MPDZ: variants seen among roughly 807,000 people sequenced by gnomAD.
The protein encoded by MPDZ is multiple PDZ domain crumbs cell polarity complex component.
MPDZ carries 234 observed loss-of-function variants against 239.1 expected under a neutral mutation model. The observed-to-expected ratio is 0.98, with a 90% CI of 0.88 to 1.09. The LOEUF (loss-of-function observed/expected upper bound fraction) is 1.09, where lower values mean the gene tolerates loss of function less well. MPDZ is among the 50% of genes least tolerant of loss of function. The probability of loss-of-function intolerance (pLI) is 0.00; values close to 1 mark genes in which losing one functional copy is unlikely to be tolerated. For synonymous variants in MPDZ, 1,048 were observed against 881.3 expected (o/e 1.19, Z -3.35); for missense variants, 3,175 against 2,510.0 (o/e 1.26, Z -5.66).
chr9:13,259,899 T>C (rs779177922), intron 1 of MPDZ, among the ~76,000 whole-genome samples: 6 of 152,092 alleles, frequency 3.9e-5, no homozygotes, highest in African/African-American at 7.2e-5. Context: ...AGTGGCACAA[T>C]CTCGGCTCAC....
At chr9:13,184,747 T>C (rs1484670981) in intron 18 of MPDZ, among the ~76,000 whole-genome samples, 1 of 152,028 alleles carries the variant, frequency 6.6e-6, no homozygotes, top group Non-Finnish European at 1.5e-5. Flanking sequence ...AATTTGTATG[T>C]ATATTGCTGA....
intron 31 of MPDZ, chr9:13,135,480 A>C (rs905764385): frequency 1.3e-5 from 2 of 152,018 alleles, no homozygotes; most frequent in African/African-American, 4.8e-5. Flanking sequence ...TACTTCCTCT[A>C]ACCTCTCTCC....
At chr9:13,236,859 C>A (rs1459011954) in intron 3 of MPDZ, among the ~76,000 whole-genome samples, 3 of 145,228 alleles carry the variant, frequency 2.1e-5, no homozygotes, top group Admixed American at 2.0e-4. Context: ...GATGTTTTAC[C>A]TCTCCCCTGA....
chr9:13,246,205 C>A (rs10960979), intron 3 of MPDZ, among the ~76,000 whole-genome samples: 4,249 of 152,176 alleles, frequency 0.028, 125 homozygotes, highest in East Asian at 0.16. Context: ...CCCAGCACTT[C>A]GGGAGGCCAA....
chr9:13,180,570 T>C (rs565013208), intron 19 of MPDZ, among the ~76,000 whole-genome samples: 11 of 152,286 alleles, frequency 7.2e-5, no homozygotes, highest in African/African-American at 2.4e-4. Context: ...CTAAAAACCA[T>C]GTTAAAATTT....
intron 1 of MPDZ, among the ~76,000 whole-genome samples, chr9:13,257,627 C>A (rs1005358088): frequency 6.6e-6 from 1 of 152,174 alleles, no homozygotes; most frequent in Non-Finnish European, 1.5e-5. Context: ...ATAGACTATT[C>A]TGCAACTTTT....
intron 3 of MPDZ, among the ~76,000 whole-genome samples, chr9:13,244,500 G>A (rs151172009): frequency 6.6e-6 from 1 of 152,048 alleles, no homozygotes; most frequent in Non-Finnish European, 1.5e-5. Flanking sequence ...AGATTATTCA[G>A]GTTTAATAGC....
intron 40 of MPDZ, among the ~76,000 whole-genome samples, chr9:13,114,950 A>G (rs758497679): frequency 4.6e-5 from 7 of 152,150 alleles, no homozygotes; most frequent in Non-Finnish European, 7.4e-5. Flanking sequence ...AAAATTTGTT[A>G]TCTTGGTAGG....
chr9:13,233,464 T>C (rs557742652), intron 3 of MPDZ, among the ~76,000 whole-genome samples: 2 of 152,242 alleles, frequency 1.3e-5, no homozygotes, highest in East Asian at 1.9e-4. Flanking sequence ...GTAATACTTA[T>C]CTCCGAGATA....
chr9:13,125,296 G>A lies in MPDZ; in HGVS notation c.4727C>T (p.Ala1576Val), dbSNP rs1944954646. 1.9e-6 allele frequency: 3 copies of A among 1,613,772 alleles called. No homozygotes were observed. The highest frequency in any genetic ancestry group is 2.2e-5 in the East Asian group (1 of 44,880). The change falls in exon 35 of 47, where the codon GCA (alanine) becomes GTA (valine). Residue 1576 changes from alanine (A) to valine (V), a missense_variant. By Grantham distance (64) the Ala-to-Val change is moderately conservative. Coordinates refer to ENST00000319217, the MANE Select transcript of MPDZ (RefSeq NM_001378778.1). ...GCTGTTCTTTTTTTCTCCACTGGCT[G>A]CACCAGCTGCTGAAGGAACAGCCTG... is the stretch of plus-strand genomic sequence containing the variant. ...DSQAVPSAAG[A>V]ASGEKKNSSQ...
At chr9:13,239,783 C>T (rs1018681339) in intron 3 of MPDZ, among the ~76,000 whole-genome samples, 1 of 152,024 alleles carries the variant, frequency 6.6e-6, no homozygotes, top group Non-Finnish European at 1.5e-5. Flanking sequence ...TCAAGCAAAC[C>T]TGAAATACAA....
chr9:13,270,794 T>C (rs572014028), intron 1 of MPDZ, among the ~76,000 whole-genome samples: 1 of 152,264 alleles, frequency 6.6e-6, no homozygotes, highest in South Asian at 2.1e-4. Flanking sequence ...CTCCAACTCT[T>C]GGGGTGTTTG....
chr9:13,161,441 G>A (rs1015728019), intron 23 of MPDZ, among the ~76,000 whole-genome samples: 1 of 151,910 alleles, frequency 6.6e-6, no homozygotes, highest in Non-Finnish European at 1.5e-5. Flanking sequence ...CATGGTGGTG[G>A]ACACCTGTAA....
rs1955199481 is a variant in MPDZ at position 13,193,308 on chromosome 9, G to A, written c.1662C>T (p.Ala554=). ...IMGINYEIVV[A]HVSKFSENSG... is the part of the protein sequence containing the mutation. ...TGTTCTCACTAAACTTGCTCACATG[G>A]GCCACCTGAAAAGAAAAAAAAAAAG... is the stretch of plus-strand genomic sequence containing the variant. Residue 554 remains alanine (A), a synonymous_variant, in exon 14 of 47, where the codon GCC becomes GCT. Coordinates refer to ENST00000319217, the MANE Select transcript of MPDZ (RefSeq NM_001378778.1). The A allele has an allele frequency of 1.3e-6, 2 of 1,581,358 alleles. No individual in the cohort carries two copies. Among genetic ancestry groups the A allele is most frequent in the Admixed American group, 1.8e-5 (1 of 54,890 alleles).
At chr9:13,253,492 T>G (rs960345138) in intron 1 of MPDZ, among the ~76,000 whole-genome samples, 8 of 152,180 alleles carry the variant, frequency 5.3e-5, no homozygotes, top group Admixed American at 2.0e-4. Context: ...TCACAAAATT[T>G]TTTAGATAGA....
At chr9:13,156,327 C>G (rs980068951) in intron 24 of MPDZ, among the ~76,000 whole-genome samples, 7 of 152,126 alleles carry the variant, frequency 4.6e-5, no homozygotes, top group Non-Finnish European at 8.8e-5. Flanking sequence ...CTGTATTAAT[C>G]CTTTTTCATG....
intron 28 of MPDZ, among the ~76,000 whole-genome samples, chr9:13,139,021 C>G (rs1947262837): frequency 6.6e-6 from 1 of 152,156 alleles, no homozygotes; most frequent in Admixed American, 6.5e-5. Context: ...ACATTCTGAC[C>G]ACATTGATTG....
chr9:13,132,731 T>C (rs897476996), intron 32 of MPDZ, among the ~76,000 whole-genome samples: 4 of 152,202 alleles, frequency 2.6e-5, no homozygotes, highest in Non-Finnish European at 5.9e-5. Context: ...ATGAGGTAAG[T>C]TGGACAATTA....
intron 21 of MPDZ, among the ~76,000 whole-genome samples, chr9:13,171,925 C>G (rs1449947618): frequency 6.6e-6 from 1 of 152,132 alleles, no homozygotes; most frequent in Non-Finnish European, 1.5e-5. Flanking sequence ...ATATACTTTT[C>G]CACTAGCACA....
Sources: allele counts gnomAD v4.1 joint callset (sites outside exome capture counted in the v4.1 genomes callset), GRCh38; gene constraint gnomAD v4.1.1; transcripts MANE v1.5; gene names NCBI Gene and HGNC (gene_info 2026-07-23, HGNC 2026-07-21).